Variants in SLC9B1 observed in about 807,000 individuals in gnomAD.
SLC9B1 encodes sodium/hydrogen exchanger 9B1.
In SLC9B1, 32 loss-of-function variants were observed where a neutral mutation model predicts 51.7. That is an observed-to-expected ratio of 0.62 (90% CI 0.47 to 0.83). The LOEUF (loss-of-function observed/expected upper bound fraction) is 0.83, where lower values mean the gene tolerates loss of function less well. Among genes scored for constraint, SLC9B1 ranks in the 40% least tolerant of loss-of-function variants. The pLI, the probability that SLC9B1 is intolerant of heterozygous loss-of-function variation, is 0.00. For missense variants in SLC9B1, 406 were observed against 613.2 expected (o/e 0.66, Z 3.57); for synonymous variants, 145 against 212.7 (o/e 0.68, Z 2.77).
chr4:102,916,564 C>T (rs1351618531), intron 7 of SLC9B1, among the ~76,000 whole-genome samples: 3 of 152,164 alleles, frequency 2.0e-5, no homozygotes, highest in East Asian at 1.9e-4. Context: ...AGAACTTGAA[C>T]AACACTGTAG....
intron 1 of SLC9B1, among the ~76,000 whole-genome samples, chr4:102,994,548 T>G (rs866534899): frequency 6.6e-6 from 1 of 152,210 alleles, no homozygotes; most frequent in Non-Finnish European, 1.5e-5. Flanking sequence ...CCAAAGTCGC[T>G]TCCACATTTC....
chr4:102,991,728 A>G lies in SLC9B1; in HGVS notation c.-1-16T>C, dbSNP rs1380262314. The G allele has an allele frequency of 2.7e-6, 4 of 1,501,156 alleles. No homozygotes were observed. In the South Asian group the frequency reaches 5.0e-5, roughly 19 times the overall value. The allele number at this position is 1,501,156 out of a possible 1,614,324, so 93.0% of individuals were successfully genotyped here. A position where few individuals can be genotyped will look rare whatever the true frequency, so the allele number is the denominator to read the frequency against. ...GGTATGCATGCTAAGATTTAAAAGA[A>G]AAATACTTTAAAAGAAGAAACAAGA... On this transcript the variant is annotated splice_polypyrimidine_tract_variant and intron_variant, in intron 1 of 11. Transcript: ENST00000296422.
At chr4:102,926,978 T>C (rs1401220125) in intron 7 of SLC9B1, among the ~76,000 whole-genome samples, 4 of 152,048 alleles carry the variant, frequency 2.6e-5, no homozygotes, top group Non-Finnish European at 5.9e-5. Flanking sequence ...TTGACAAAAC[T>C]GAGAAAAACA....
intron 1 of SLC9B1, among the ~76,000 whole-genome samples, chr4:103,003,744 C>T (rs1162780402): frequency 6.6e-6 from 1 of 152,130 alleles, no homozygotes; most frequent in Non-Finnish European, 1.5e-5. Flanking sequence ...TGCAGCACAG[C>T]AGGTTCCTAA....
At chr4:102,955,877 GAA>G (rs1737773464) in intron 3 of SLC9B1, among the ~76,000 whole-genome samples, 1 of 144,176 alleles carries the variant, frequency 6.9e-6, no homozygotes, top group Non-Finnish European at 1.5e-5. Context: ...AAGAAAGAAA[GAA>G]AGAAAGAAAG....
At chr4:102,931,270 A>G (rs1033644733) in intron 7 of SLC9B1, among the ~76,000 whole-genome samples, 1 of 151,070 alleles carries the variant, frequency 6.6e-6, no homozygotes, top group Non-Finnish European at 1.5e-5. Flanking sequence ...ACTGATTTTT[A>G]TAAGAATATT....
chr4:102,955,102 C>G (rs1737716918), intron 3 of SLC9B1, among the ~76,000 whole-genome samples: 1 of 152,150 alleles, frequency 6.6e-6, no homozygotes, highest in Non-Finnish European at 1.5e-5. Flanking sequence ...GTGTCCCCAT[C>G]CAAATCTCAT....
intron 9 of SLC9B1, among the ~76,000 whole-genome samples, chr4:102,910,016 T>C (rs1193944685): frequency 6.6e-6 from 1 of 152,068 alleles, no homozygotes; most frequent in Non-Finnish European, 1.5e-5. Flanking sequence ...GGTTTCACCA[T>C]GTTGGCCACA....
Position 103,013,921 on chromosome 4 carries a change from C to T in SLC9B1, c.-2+5678G>A, listed in dbSNP as rs112297719. Among the ~76,000 whole-genome samples the T allele has an allele frequency of 3.2e-3, 489 of 152,308 alleles. 5 individuals carry two copies. Among genetic ancestry groups the T allele is most frequent in the Middle Eastern group, 0.017 (5 of 294 alleles). ...CCATAAGCATTTCCCCACCTAAACACCGTAATGGCTTTCCAACTTTTCCCC... is the reference window on the plus strand; with the variant it reads ...CCATAAGCATTTCCCCACCTAAACATCGTAATGGCTTTCCAACTTTTCCCC... On this transcript the variant is annotated intron_variant, in intron 1 of 11. Coordinates refer to ENST00000296422, the MANE Select transcript of SLC9B1 (RefSeq NM_139173.4).
chr4:102,921,450 C>A (rs1418605805), intron 7 of SLC9B1, among the ~76,000 whole-genome samples: 2 of 152,148 alleles, frequency 1.3e-5, no homozygotes, highest in East Asian at 1.9e-4. Flanking sequence ...CCAGCCAGGG[C>A]AAAAACAGGC....
intron 3 of SLC9B1, among the ~76,000 whole-genome samples, chr4:102,982,579 T>C (rs769684497): frequency 3.9e-5 from 6 of 152,144 alleles, no homozygotes; most frequent in South Asian, 2.1e-4. Context: ...AGTTTTATAG[T>C]TATTACTCAA....
At chr4:102,919,534 G>T (rs1277955303) in intron 7 of SLC9B1, among the ~76,000 whole-genome samples, 1 of 152,150 alleles carries the variant, frequency 6.6e-6, no homozygotes, top group Non-Finnish European at 1.5e-5. Context: ...TGAGGTACCT[G>T]GTTCATCTCA....
chr4:102,933,506 A>G (rs902642415), intron 6 of SLC9B1, among the ~76,000 whole-genome samples: 4 of 152,226 alleles, frequency 2.6e-5, no homozygotes, highest in African/African-American at 9.6e-5. Flanking sequence ...CAAACATAGC[A>G]GCTTAAAACA....
rs1223127944 is a variant in SLC9B1 at position 102,975,565 on chromosome 4, C to CATATACATATACAT, written c.211+14234_211+14235insATGTATATGTATAT. 8.0e-5 allele frequency among the ~76,000 whole-genome samples: 8 copies of CATATACATATACAT among 99,604 alleles called. 1 individual carries two copies. The highest frequency in any genetic ancestry group is 3.2e-4 in the African/African-American group (8 of 24,688). 65.3% of individuals were successfully genotyped at this position (99,604 alleles called of 152,430 possible). On this transcript the variant is annotated intron_variant, in intron 3 of 11. Coordinates refer to ENST00000296422, the MANE Select transcript of SLC9B1 (RefSeq NM_139173.4). Reference sequence around the variant, plus strand: ...ACTATATCTATAATGATTATATATACATATATATATATATATATATATTTT... The same window carrying CATATACATATACAT: ...ACTATATCTATAATGATTATATATACATATACATATACATATATATATATATATATATATATTTT...
intron 4 of SLC9B1, among the ~76,000 whole-genome samples, chr4:102,947,215 G>A (rs957608077): frequency 2.6e-5 from 4 of 152,142 alleles, no homozygotes; most frequent in African/African-American, 9.7e-5. Flanking sequence ...CACAGTCCAC[G>A]CAAAAGTTGG....
At chr4:102,931,284 C>G (rs1736442638) in intron 7 of SLC9B1, among the ~76,000 whole-genome samples, 1 of 139,488 alleles carries the variant, frequency 7.2e-6, no homozygotes, top group African/African-American at 2.7e-5. Flanking sequence ...GAATATTTGA[C>G]AGAGAGAGAG....
intron 3 of SLC9B1, among the ~76,000 whole-genome samples, chr4:102,977,075 A>G (rs375240646): frequency 1.3e-5 from 2 of 152,068 alleles, no homozygotes; most frequent in East Asian, 3.9e-4. Context: ...ACTTGAGCCC[A>G]GGAAGTCAAG....
At chr4:102,904,639 T>G (rs1196292063) in intron 11 of SLC9B1, among the ~76,000 whole-genome samples, 1 of 147,878 alleles carries the variant, frequency 6.8e-6, no homozygotes. Context: ...AACCTAAGAG[T>G]TCAAGACCAG....
chr4:102,989,676 G>C (rs906683371), intron 3 of SLC9B1, 124 bp downstream of exon 3: 37 of 554,004 alleles, frequency 6.7e-5, no homozygotes, highest in African/African-American at 5.1e-4. Flanking sequence ...CATATTGCTT[G>C]TAACAAAGCT....
Sources: allele counts gnomAD v4.1 joint callset (sites outside exome capture counted in the v4.1 genomes callset), GRCh38; gene constraint gnomAD v4.1.1; transcripts MANE v1.5; gene names NCBI Gene and HGNC (gene_info 2026-07-23, HGNC 2026-07-21).